The following TUT7 variants were observed in gnomAD, a reference collection of about 807,000 sequenced individuals.
TUT7 encodes terminal uridylyl transferase 7, also known as terminal uridylyltransferase 7.
Under a neutral mutation model 165.9 loss-of-function variants are expected in TUT7, and 33 were observed. That is an observed-to-expected ratio of 0.20 (90% confidence interval 0.15 to 0.27). The LOEUF (loss-of-function observed/expected upper bound fraction) is 0.27. Among genes scored for constraint, TUT7 ranks in the 10% least tolerant of loss-of-function variants. The pLI, the probability that TUT7 is intolerant of heterozygous loss-of-function variation, is 1.00. For missense variants in TUT7, 1,338 were observed against 1,762.3 expected, an observed-to-expected ratio of 0.76 and a Z score of 4.31; for synonymous variants, 552 against 608.1, an observed-to-expected ratio of 0.91 and a Z score of 1.36.
chr9:86,295,942 C>A (rs754308855), intron 26 of TUT7, among the ~76,000 whole-genome samples: 5 of 151,994 alleles, frequency 3.3e-5, no homozygotes, highest in Admixed American at 1.3e-4. Context: ...TTCTGAGATT[C>A]TCATACTGAA....
chr9:86,320,941 T>A (rs1315990557), intron 14 of TUT7, among the ~76,000 whole-genome samples: 2 of 152,222 alleles, frequency 1.3e-5, no homozygotes, highest in Non-Finnish European at 2.9e-5. Context: ...AACAATTATA[T>A]AACCTGGTCC....
At chr9:86,315,450 A>G (rs1828613389) in intron 17 of TUT7, among the ~76,000 whole-genome samples, 1 of 152,236 alleles carries the variant, frequency 6.6e-6, no homozygotes, top group Non-Finnish European at 1.5e-5. Context: ...AGATGGAATG[A>G]TGAATCAAAT....
chr9:86,333,060 T>C (rs1429186551), intron 10 of TUT7, among the ~76,000 whole-genome samples: 1 of 152,154 alleles, frequency 6.6e-6, no homozygotes, highest in African/African-American at 2.4e-5. Flanking sequence ...TAATTCTGGA[T>C]TGCATTTTAG....
rs116429930 is a variant in TUT7, at chr9:86,337,962, C to T, written c.1336-424G>A. The stretch of plus-strand genomic sequence containing the variant: ...TGCATGCTTTGGTCACAAAGATTGG[C>T]GTGGGGAGAGAACGTGGACAAACTC... On this transcript the variant is annotated intron_variant, in intron 9 of 26. Transcript: ENST00000375963. Among the ~76,000 whole-genome samples the T allele has an allele frequency of 7.9e-3, 1,205 of 152,058 alleles. 21 individuals are homozygous for T. The highest frequency in any genetic ancestry group is 0.028 in the African/African-American group (1,161 of 41,468).
chr9:86,293,015 T>C (rs12005853), intron 26 of TUT7, among the ~76,000 whole-genome samples: 36 of 152,156 alleles, frequency 2.4e-4, no homozygotes, highest in African/African-American at 8.4e-4. Flanking sequence ...AAATAACACA[T>C]GAATGAATTT....
chr9:86,349,860 A>C (rs918359461), intron 2 of TUT7, among the ~76,000 whole-genome samples: 5 of 152,178 alleles, frequency 3.3e-5, no homozygotes, highest in Admixed American at 3.3e-4. Context: ...CTTTTGAATT[A>C]CCTCCAATAA....
chr9:86,301,899 A>C (rs570412424), intron 25 of TUT7: 2 of 969,326 alleles, frequency 2.1e-6, no homozygotes, highest in East Asian at 2.3e-4. Flanking sequence ...ATGTAATGAA[A>C]GGCAAATCAT....
intron 26 of TUT7, among the ~76,000 whole-genome samples, chr9:86,294,504 C>A (rs1461439098): frequency 6.6e-6 from 1 of 151,856 alleles, no homozygotes; most frequent in African/African-American, 2.4e-5. Flanking sequence ...AATATATCTT[C>A]TATTCCCAAA....
In TUT7 at chr9:86,339,517, C is replaced by CA. The variant is rs912491273; in HGVS notation, c.1208+518dup. The stretch of plus-strand genomic sequence containing the variant: ...TGGGCAACAGAGCGAGACTCCGTCT[C>CA]AAAAAAAAAAGTTTCAAATGGGAGC... On this transcript the variant is annotated intron_variant, in intron 8 of 26. Coordinates refer to ENST00000375963, the MANE Select transcript of TUT7 (RefSeq NM_024617.4). 8.2e-3 allele frequency among the ~76,000 whole-genome samples: 1,207 copies of CA among 146,518 alleles called. 20 individuals are homozygous for CA. The highest frequency in any genetic ancestry group is 0.029 in the African/African-American group (1,158 of 39,922).
intron 2 of TUT7, among the ~76,000 whole-genome samples, chr9:86,350,951 G>A (rs1255227238): frequency 1.3e-5 from 2 of 151,914 alleles, no homozygotes; most frequent in East Asian, 3.9e-4. Context: ...TGGCCAACAG[G>A]GAGAAACCCT....
At chr9:86,310,053 T>C in intron 18 of TUT7, 36 bp from the exon 19 acceptor site, 1 of 1,544,276 alleles carries the variant, frequency 6.5e-7, no homozygotes, top group Non-Finnish European at 8.8e-7. Context: ...AGACTAACAA[T>C]GAAGTGTAAA....
At chr9:86,302,387 G>A (rs1008885082) in intron 25 of TUT7, among the ~76,000 whole-genome samples, 1 of 152,166 alleles carries the variant, frequency 6.6e-6, no homozygotes, top group African/African-American at 2.4e-5. Context: ...ATCCCAACGT[G>A]CTGAACAGTT....
At chr9:86,348,026 A>T (rs1831925648) in intron 2 of TUT7, among the ~76,000 whole-genome samples, 1 of 152,236 alleles carries the variant, frequency 6.6e-6, no homozygotes, top group Non-Finnish European at 1.5e-5. Flanking sequence ...CTATAAATTT[A>T]AAATAATACT....
At chr9:86,312,307 C>T (rs948111986) in intron 17 of TUT7, among the ~76,000 whole-genome samples, 5 of 152,090 alleles carry the variant, frequency 3.3e-5, no homozygotes, top group South Asian at 2.1e-4. Flanking sequence ...CTCTGCCCGG[C>T]CGCCCCATCT....
intron 10 of TUT7, among the ~76,000 whole-genome samples, chr9:86,331,310 A>G (rs1830292238): frequency 6.6e-6 from 1 of 152,124 alleles, no homozygotes; most frequent in South Asian, 2.1e-4. Flanking sequence ...ATGGACTTGT[A>G]AAAAATATGT....
intron 24 of TUT7, among the ~76,000 whole-genome samples, chr9:86,304,280 A>G (rs1239318892): frequency 6.6e-6 from 1 of 152,188 alleles, no homozygotes; most frequent in African/African-American, 2.4e-5. Flanking sequence ...GAAGAACATA[A>G]TATTATTCTT....
chr9:86,291,969 A>G (rs927855057), intron 26 of TUT7, among the ~76,000 whole-genome samples: 6 of 152,210 alleles, frequency 3.9e-5, no homozygotes, highest in Non-Finnish European at 8.8e-5. Flanking sequence ...TACATAGAAT[A>G]TTTTTTATTC....
In TUT7 at chr9:86,337,443, A is replaced by G. The variant is rs756150597; in HGVS notation, c.1431T>C (p.Leu477=). ...IFFLQQRKEP[L]LPVYLGSWIE... ...CCCATGATCCTAGATATACAGGCAA[A>G]AGGGGTTCTTTCCTCTGCTGAAGAA... The change falls in exon 10 of 27, where the codon CTT becomes CTC. Residue 477 remains leucine (L), a synonymous_variant. Transcript: ENST00000375963. 2 of 1,613,820 alleles carry G rather than the reference A, an allele frequency of 1.2e-6. No individual in the cohort carries two copies. The highest frequency in any genetic ancestry group is 2.2e-5 in the South Asian group (2 of 91,060).
At chr9:86,328,875 T>C (rs1343063525) in intron 10 of TUT7, among the ~76,000 whole-genome samples, 2 of 152,022 alleles carry the variant, frequency 1.3e-5, no homozygotes, top group Non-Finnish European at 2.9e-5. Flanking sequence ...TAAAAAGGGG[T>C]AACACTAGGA....
Sources: gnomAD v4.1 joint callset for allele counts (sites outside exome capture counted in the v4.1 genomes callset) on GRCh38, gnomAD v4.1.1 for gene constraint, MANE v1.5 for transcripts, NCBI Gene and HGNC (gene_info 2026-07-23, HGNC 2026-07-21) for gene names.